Variants in PRKN observed in about 807,000 individuals in gnomAD.
PRKN encodes E3 ubiquitin-protein ligase parkin.
Under a neutral mutation model 59.5 loss-of-function variants are expected in PRKN, and 56 were observed. That is an observed-to-expected ratio of 0.94 (90% CI 0.76 to 1.18). PRKN has a LOEUF of 1.18. PRKN is among the 50% of genes most tolerant of loss of function. The pLI is 0.00. For missense variants in PRKN, 657 were observed against 596.4 expected (o/e 1.10, Z -1.06); for synonymous variants, 250 against 222.1 (o/e 1.13, Z -1.12).
At chr6:161,642,462 C>T (rs1362191444) in intron 7 of PRKN, among the ~76,000 whole-genome samples, 1 of 152,024 alleles carries the variant, frequency 6.6e-6, no homozygotes, top group Non-Finnish European at 1.5e-5. Context: ...TATTTATGGA[C>T]TGTAATAGAG....
At chr6:161,374,957 C>T (rs1234084468) in intron 10 of PRKN, among the ~76,000 whole-genome samples, 1 of 152,110 alleles carries the variant, frequency 6.6e-6, no homozygotes, top group Non-Finnish European at 1.5e-5. Context: ...TTCAGGACAG[C>T]ATCATTTTCA....
chr6:162,102,786 G>A (rs1179998557), intron 4 of PRKN, among the ~76,000 whole-genome samples: 1 of 144,166 alleles, frequency 6.9e-6, no homozygotes, highest in Admixed American at 6.7e-5. Context: ...GCTCACGCCT[G>A]TAATCCCAGC....
At chr6:161,450,424 TACC>T (rs1162045990) in intron 9 of PRKN, among the ~76,000 whole-genome samples, 1 of 152,282 alleles carries the variant, frequency 6.6e-6, no homozygotes. Context: ...ATGCAAGTGA[TACC>T]ATTTACCCTA....
chr6:162,651,249 A>C (rs1303079859), intron 1 of PRKN, among the ~76,000 whole-genome samples: 1 of 152,126 alleles, frequency 6.6e-6, no homozygotes, highest in African/African-American at 2.4e-5. Context: ...GAAAGTGAAA[A>C]TCTCTCAAAT....
intron 2 of PRKN, among the ~76,000 whole-genome samples, chr6:162,349,421 C>G (rs934241693): frequency 2.6e-5 from 4 of 152,054 alleles, no homozygotes; most frequent in African/African-American, 9.7e-5. Flanking sequence ...GAGCTGAGAT[C>G]GCGCCACTGC....
At position 161,897,966 on chromosome 6, in the gene PRKN, C is replaced by CAAAAAAAAAAAAAA. The variant is rs55714271; in HGVS notation, c.734+75322_734+75335dup. ...TGGGTGACAGAGCGAGACTCCGTCT[C>CAAAAAAAAAAAAAA]AAAAAAAAAAAAAAAAAAGTCTCCC... On this transcript the variant is annotated intron_variant, in intron 6 of 11. Coordinates refer to ENST00000366898, the MANE Select transcript of PRKN (RefSeq NM_004562.3). 9.9e-4 allele frequency among the ~76,000 whole-genome samples: 38 copies of CAAAAAAAAAAAAAA among 38,294 alleles called. 2 individuals are homozygous for CAAAAAAAAAAAAAA. The highest frequency in any genetic ancestry group is 1.6e-3 in the Non-Finnish European group (36 of 21,918). 25.1% of individuals were successfully genotyped at this position (38,294 alleles called of 152,430 possible).
At position 162,201,146 on chromosome 6, in the gene PRKN, C is replaced by T. The variant is rs757533563; in HGVS notation, c.519G>A (p.Thr173=). ...RVQCSTCRQA[T]LTLTQGPSCW... is the part of the protein sequence containing the mutation. ...ATTTCCTTACCTGGGTCAAGGTGAG[C>T]GTTGCCTGCCTGCAGGTGCTGCACT... The change falls in exon 4 of 12, where the codon ACG becomes ACA. Residue 173 remains threonine, a synonymous_variant. Transcript: ENST00000366898. 31 of 1,613,980 alleles carry T rather than the reference C, an allele frequency of 1.9e-5. No homozygotes were observed. The highest frequency in any genetic ancestry group is 1.6e-4 in the Middle Eastern group (1 of 6,078).
At chr6:161,678,096 T>A (rs908740545) in intron 7 of PRKN, among the ~76,000 whole-genome samples, 1 of 152,136 alleles carries the variant, frequency 6.6e-6, no homozygotes, top group African/African-American at 2.4e-5. Context: ...CTATTTTGAA[T>A]GGTATTTTGT....
chr6:161,975,352 G>A (rs945184854), intron 5 of PRKN, among the ~76,000 whole-genome samples: 1 of 152,056 alleles, frequency 6.6e-6, no homozygotes, highest in African/African-American at 2.4e-5. Flanking sequence ...AAAGTGCTGG[G>A]ATTACAGGTG....
At chr6:161,381,905 G>A (rs1047996243) in intron 10 of PRKN, among the ~76,000 whole-genome samples, 1 of 151,976 alleles carries the variant, frequency 6.6e-6, no homozygotes, top group Non-Finnish European at 1.5e-5. Flanking sequence ...GAGGTCAGGA[G>A]ATTGAGACCA....
At position 161,349,757 on chromosome 6, in the gene PRKN, C is replaced by T. The variant is rs1784445264; in HGVS notation, c.*342G>A. On this transcript the variant is annotated 3_prime_UTR_variant, in exon 12 of 12. Coordinates refer to ENST00000366898, the MANE Select transcript of PRKN (RefSeq NM_004562.3). This position sits in a 1 kb window ranked among gnomAD's most constrained non-coding sequence, Gnocchi z 5.5. ...CAGGTGAGAATGACCCATACAGATA[C>T]ATGGATTGCACTTGAATCTGTGCTC... The T allele has an allele frequency of 2.2e-6, 1 of 452,950 alleles. No homozygotes were observed. Among genetic ancestry groups the T allele is most frequent in the East Asian group, 3.9e-5 (1 of 25,810 alleles). The allele number at this position is 452,950 out of a possible 1,614,324, so 28.1% of individuals were successfully genotyped here.
intron 4 of PRKN, among the ~76,000 whole-genome samples, chr6:162,152,500 G>C (rs1782315395): frequency 6.6e-6 from 1 of 152,302 alleles, no homozygotes; most frequent in South Asian, 2.1e-4. Context: ...AAGTGAAAAT[G>C]ATTGAAATGA....
chr6:162,592,067 C>G (rs754968241), intron 1 of PRKN, among the ~76,000 whole-genome samples: 2 of 152,138 alleles, frequency 1.3e-5, no homozygotes, highest in Non-Finnish European at 2.9e-5. Flanking sequence ...TGGCACCATC[C>G]TGGCTCACTG....
At chr6:162,708,662 TA>T (rs1204541145) in intron 1 of PRKN, among the ~76,000 whole-genome samples, 2 of 152,218 alleles carry the variant, frequency 1.3e-5, no homozygotes, top group Non-Finnish European at 2.9e-5. Flanking sequence ...AAAAATCTAA[TA>T]GCGTTTGTTA....
intron 3 of PRKN, among the ~76,000 whole-genome samples, chr6:162,249,445 G>A (rs532999584): frequency 3.3e-5 from 5 of 152,264 alleles, no homozygotes; most frequent in South Asian, 2.1e-4. Context: ...GACGAGACAC[G>A]TAGCTAGTGC....
intron 2 of PRKN, among the ~76,000 whole-genome samples, chr6:162,302,164 CT>C (rs1054391302): frequency 6.6e-6 from 1 of 152,060 alleles, no homozygotes; most frequent in Admixed American, 6.6e-5. Flanking sequence ...TATCCTCCCC[CT>C]CTACCACTTG....
At chr6:161,953,613 AT>A (rs2128246545) in intron 6 of PRKN, among the ~76,000 whole-genome samples, 1 of 152,298 alleles carries the variant, frequency 6.6e-6, no homozygotes, top group East Asian at 1.9e-4. Context: ...CACCTGCCGG[AT>A]GCCAGCCCTG....
chr6:162,216,792 A>G (rs1255345143), intron 3 of PRKN, among the ~76,000 whole-genome samples: 2 of 152,168 alleles, frequency 1.3e-5, no homozygotes, highest in Non-Finnish European at 2.9e-5. Flanking sequence ...AAGTTGCATT[A>G]CAATGATTTT....
intron 7 of PRKN, among the ~76,000 whole-genome samples, chr6:161,680,893 A>T (rs1785336437): frequency 6.6e-6 from 1 of 151,314 alleles, no homozygotes; most frequent in Admixed American, 6.6e-5. Context: ...CACAAAGTGG[A>T]AAAAGGGCAG....
Sources: allele counts gnomAD v4.1 joint callset (sites outside exome capture counted in the v4.1 genomes callset), GRCh38; gene constraint gnomAD v4.1.1; non-coding constraint Gnocchi (gnomAD v3.1); transcripts MANE v1.5; gene names NCBI Gene and HGNC (gene_info 2026-07-23, HGNC 2026-07-21).